The following PRDM7 variants were observed in gnomAD, a reference collection of about 807,000 sequenced individuals.
The protein encoded by PRDM7 is PR/SET domain 7, also known as histone-lysine N-methyltransferase PRDM7.
Under a neutral mutation model 64.3 loss-of-function variants are expected in PRDM7, and 52 were observed. That is an observed-to-expected ratio of 0.81 (90% CI 0.65 to 1.02). The LOEUF is 1.02. Ranked by LOEUF, PRDM7 falls within the 50% of genes least tolerant of loss-of-function variation. The pLI is 0.00. For synonymous variants in PRDM7, 192 were observed against 210.1 expected, an observed-to-expected ratio of 0.91 and a Z score of 0.74; for missense variants, 574 against 597.1, an observed-to-expected ratio of 0.96 and a Z score of 0.40.
At chr16:90,067,598 T>TC (rs2037896097) in intron 4 of PRDM7, among the ~76,000 whole-genome samples, 1 of 148,084 alleles carries the variant, frequency 6.8e-6, no homozygotes. Flanking sequence ...CCTTTTTTTT[T>TC]TTTTTTTTTT....
Position 90,075,052 on chromosome 16 carries a change from A to C in PRDM7, c.194-29T>G, listed in dbSNP as rs768603623. ...AAAAGAAGCAAAAAATTTTGCTCTGAAACGGAAGAGCTGGGATGAGGAACA... is the reference window on the plus strand; with the variant it reads ...AAAAGAAGCAAAAAATTTTGCTCTGCAACGGAAGAGCTGGGATGAGGAACA... On this transcript the variant is annotated intron_variant, in intron 3 of 10. Transcript: ENST00000449207. The surrounding 1 kb of genome is among the most constrained non-coding windows in gnomAD (Gnocchi z 4.3). 6.2e-7 allele frequency: 1 copy of C among 1,612,848 alleles called. No homozygotes were observed. Among genetic ancestry groups the C allele is most frequent in the South Asian group, 1.1e-5 (1 of 91,038 alleles).
intron 4 of PRDM7, among the ~76,000 whole-genome samples, chr16:90,071,977 G>C (rs2037964476): frequency 6.6e-6 from 1 of 152,088 alleles, no homozygotes; most frequent in African/African-American, 2.4e-5. Flanking sequence ...CGGATCATGA[G>C]GTCAGGAGAT....
In PRDM7 at chr16:90,062,181, A is replaced by G. The variant is rs1424164821; in HGVS notation, c.622T>C (p.Cys208Arg). The change falls in exon 8 of 11, where the codon TGT (cysteine) becomes CGT (arginine). Residue 208 changes from cysteine to arginine, a missense_variant. Coordinates refer to ENST00000449207, the MANE Select transcript of PRDM7 (RefSeq NM_001098173.2). ...QDDDYLYCEM[C>R]QNFFIDSCAA... ...CAGCTGTCAATGAAGAAGTTCTGAC[A>G]CATCTCACAATCTGGAAGTGAGGGA... is the stretch of plus-strand genomic sequence containing the variant. 6.2e-7 allele frequency: 1 copy of G among 1,614,146 alleles called. No homozygotes were observed. The highest frequency in any genetic ancestry group is 8.5e-7 in the Non-Finnish European group (1 of 1,180,052).
intron 10 of PRDM7, among the ~76,000 whole-genome samples, chr16:90,059,416 C>T (rs2037733335): frequency 6.6e-6 from 1 of 152,248 alleles, no homozygotes; most frequent in Admixed American, 6.5e-5. Flanking sequence ...CCATGCTCCC[C>T]ACCTTCATCC....
chr16:90,074,283 G>GTCATCATCA lies in PRDM7; in HGVS notation c.301+624_301+632dup, dbSNP rs59691191. Reference sequence around the variant, plus strand: ...TGTAATAATAGTAACAATCATCATCGTCATCATCATCATCATCATCATCAT... The same window carrying GTCATCATCA: ...TGTAATAATAGTAACAATCATCATCGTCATCATCATCATCATCATCATCATCATCATCAT... On this transcript the variant is annotated intron_variant, in intron 4 of 10. Coordinates refer to ENST00000449207, the MANE Select transcript of PRDM7 (RefSeq NM_001098173.2). 2.6e-3 allele frequency among the ~76,000 whole-genome samples: 379 copies of GTCATCATCA among 147,966 alleles called. 1 individual carries two copies. The East Asian group carries it at 0.027, about 11-fold the overall frequency.
In PRDM7 at chr16:90,057,836, A is replaced by G. The variant is rs1366388520; in HGVS notation, c.*453T>C. 3.9e-5 allele frequency: 58 copies of G among 1,482,808 alleles called. No homozygotes were observed. The highest frequency in any genetic ancestry group is 5.2e-5 in the Non-Finnish European group (57 of 1,096,962). 91.9% of individuals were successfully genotyped at this position (1,482,808 alleles called of 1,614,324 possible). ...TTGAGATAAGGTTTTATTACTAATG[A>G]CTTACTCATCCTTCCTGCAGACTGG... is the stretch of plus-strand genomic sequence containing the variant. On this transcript the variant is annotated 3_prime_UTR_variant, in exon 11 of 11. Coordinates refer to ENST00000449207, the MANE Select transcript of PRDM7 (RefSeq NM_001098173.2).
In PRDM7 at chr16:90,066,133, C is replaced by G. The variant is rs558885652; in HGVS notation, c.351+728G>C. 2.0e-4 allele frequency among the ~76,000 whole-genome samples: 30 copies of G among 151,422 alleles called. 2 individuals carry two copies. The highest frequency in any genetic ancestry group is 7.4e-4 in the African/African-American group (30 of 40,814). ...TATATTTTTACTTAATAGGGTGTAA[C>G]CTATATGAAGTCCTAAACCATTTTC... On this transcript the variant is annotated intron_variant, in intron 5 of 10. Coordinates refer to ENST00000449207, the MANE Select transcript of PRDM7 (RefSeq NM_001098173.2).
chr16:90,063,831 A>G, intron 5 of PRDM7, 63 bp from the exon 6 acceptor site: 1 of 1,576,608 alleles, frequency 6.3e-7, no homozygotes, highest in Non-Finnish European at 8.7e-7. Flanking sequence ...TACGGCTTGC[A>G]ACATGTTTTC....
chr16:90,076,219 C>G (rs928733512), intron 1 of PRDM7, among the ~76,000 whole-genome samples: 10 of 152,142 alleles, frequency 6.6e-5, no homozygotes. Context: ...TTTAGTTCCC[C>G]TGCAGCTTGG....
intron 4 of PRDM7, among the ~76,000 whole-genome samples, chr16:90,071,136 T>G (rs1208761444): frequency 1.3e-5 from 2 of 152,132 alleles, no homozygotes; most frequent in South Asian, 2.1e-4. Flanking sequence ...ATTTATGTGT[T>G]TGTTTGTTTT....
At chr16:90,061,170 T>C (rs2037770158) in intron 9 of PRDM7, among the ~76,000 whole-genome samples, 1 of 152,226 alleles carries the variant, frequency 6.6e-6, no homozygotes, top group African/African-American at 2.4e-5. Flanking sequence ...GTTTAACAAA[T>C]GTGGATTACA....
chr16:90,071,050 T>G (rs1240665319), intron 4 of PRDM7, among the ~76,000 whole-genome samples: 5 of 152,206 alleles, frequency 3.3e-5, no homozygotes, highest in African/African-American at 7.2e-5. Context: ...TGTGGAGAAA[T>G]TAGAACACTT....
Position 90,066,881 on chromosome 16 carries a change from C to G in PRDM7, c.331G>C (p.Glu111Gln), listed in dbSNP as rs1210980756. The change falls in exon 5 of 11, where the codon GAA (glutamate) becomes CAA (glutamine). Residue 111 changes from glutamate to glutamine, a missense_variant. Physicochemically the swap from Glu to Gln is conservative, Grantham distance 29. Coordinates refer to ENST00000449207, the MANE Select transcript of PRDM7 (RefSeq NM_001098173.2). ...CTTACCTTCTGGTGTTTACTCTGTT[C>G]TCCTCTGAAGGCCATCCAAGGAGGT... is the stretch of plus-strand genomic sequence containing the variant. ...VKPPWMAFRG[E>Q]QSKHQKGMPK... 6.3e-7 allele frequency: 1 copy of G among 1,599,418 alleles called. No homozygotes were observed. The highest frequency in any genetic ancestry group is 1.4e-5 in the African/African-American group (1 of 73,080).
rs757305774 is a variant in PRDM7, at chr16:90,061,907, C to T, written c.882+14G>A. On this transcript the variant is annotated intron_variant, in intron 8 of 10. Transcript: ENST00000449207. ...TGGGAAGACAGAACAGGGGAAACAG[C>T]AGGCTCTTCTTACTAGCCAGGAATA... The T allele has an allele frequency of 5.0e-6, 8 of 1,614,072 alleles. No individual in the cohort carries two copies. Among genetic ancestry groups the T allele is most frequent in the Admixed American group, 3.3e-5 (2 of 60,012 alleles).
chr16:90,067,210 C>T (rs2037888916), intron 4 of PRDM7, among the ~76,000 whole-genome samples: 1 of 151,132 alleles, frequency 6.6e-6, no homozygotes, highest in Non-Finnish European at 1.5e-5. Context: ...AGGTGATCCA[C>T]CTGCCTCGGA....
intron 10 of PRDM7, 48 bp from the exon 11 acceptor site, chr16:90,058,582 A>G: frequency 1.3e-6 from 2 of 1,569,694 alleles, no homozygotes; most frequent in Non-Finnish European, 1.8e-6. Flanking sequence ...TTCAGGCCTT[A>G]CTACATATGA....
chr16:90,065,505 T>G (rs2037859351), intron 5 of PRDM7, among the ~76,000 whole-genome samples: 1 of 150,144 alleles, frequency 6.7e-6, no homozygotes, highest in Non-Finnish European at 1.5e-5. Context: ...GAGGCCAAGG[T>G]AGTAGGATGG....
Position 90,075,600 on chromosome 16 carries a change from C to A in PRDM7, c.70-126G>T. ...GTCTCTGTGAAACATAAAGACCTTC[C>A]CTCCTTCTCCAGATTGTGTCCTGTT... On this transcript the variant is annotated intron_variant, in intron 2 of 10. Coordinates refer to ENST00000449207, the MANE Select transcript of PRDM7 (RefSeq NM_001098173.2). This position sits in a 1 kb window ranked among gnomAD's most constrained non-coding sequence, Gnocchi z 4.3. 6.7e-7 allele frequency: 1 copy of A among 1,500,230 alleles called. No homozygotes were observed. The highest frequency in any genetic ancestry group is 1.1e-5 in the South Asian group (1 of 87,474). 92.9% of individuals were successfully genotyped at this position (1,500,230 alleles called of 1,614,324 possible). A position where few individuals can be genotyped will look rare whatever the true frequency, so the allele number is the denominator to read the frequency against.
In PRDM7 at chr16:90,075,589, T is replaced by C. The variant is rs983598564; in HGVS notation, c.70-115A>G. ...GGCCTCTGGGAGTCTCTGTGAAACA[T>C]AAAGACCTTCCCTCCTTCTCCAGAT... On this transcript the variant is annotated intron_variant, in intron 2 of 10. Coordinates refer to ENST00000449207, the MANE Select transcript of PRDM7 (RefSeq NM_001098173.2). The surrounding 1 kb of genome is among the most constrained non-coding windows in gnomAD (Gnocchi z 4.3). 4 of 1,543,618 alleles carry C rather than the reference T, an allele frequency of 2.6e-6. No individual in the cohort carries two copies. In the African/African-American group the frequency reaches 5.5e-5, roughly 21 times the overall value.
Sources: gnomAD v4.1 joint callset for allele counts (sites outside exome capture counted in the v4.1 genomes callset) on GRCh38, gnomAD v4.1.1 for gene constraint, Gnocchi (gnomAD v3.1) non-coding constraint, MANE v1.5 for transcripts, NCBI Gene and HGNC (gene_info 2026-07-23, HGNC 2026-07-21) for gene names.